The following TMPRSS15 variants were observed in gnomAD, a reference collection of about 807,000 sequenced individuals.
The protein encoded by TMPRSS15 is enteropeptidase.
Under a neutral mutation model 125.3 loss-of-function variants are expected in TMPRSS15, and 128 were observed. The observed-to-expected ratio is 1.02, with a 90% CI of 0.89 to 1.18. The LOEUF (loss-of-function observed/expected upper bound fraction) is 1.18, where lower values mean the gene tolerates loss of function less well. Ranked by LOEUF, TMPRSS15 falls within the 50% of genes most tolerant of loss-of-function variation. The probability of loss-of-function intolerance (pLI) is 0.00; values close to 1 mark genes in which losing one functional copy is unlikely to be tolerated. For missense variants in TMPRSS15, 1,283 were observed against 1,212.7 expected (o/e 1.06, Z -0.86); for synonymous variants, 446 against 423.2 (o/e 1.05, Z -0.66).
chr21:18,431,803 A>G (rs1206883608), intron 1 of TMPRSS15, among the ~76,000 whole-genome samples: 10 of 152,138 alleles, frequency 6.6e-5, no homozygotes, highest in African/African-American at 2.4e-5. Flanking sequence ...TGCCTACTAG[A>G]GCCTTTTAGC....
At chr21:18,450,418 A>T (rs949008160) in intron 1 of TMPRSS15, among the ~76,000 whole-genome samples, 3 of 152,140 alleles carry the variant, frequency 2.0e-5, no homozygotes, top group Non-Finnish European at 2.9e-5. Context: ...AAAACGTGGA[A>T]CCTCAATGCA....
At chr21:18,343,918 A>T in intron 11 of TMPRSS15, 37 bp downstream of exon 11, 1 of 1,573,930 alleles carries the variant, frequency 6.4e-7, no homozygotes, top group Non-Finnish European at 8.7e-7. Flanking sequence ...GTTACCCATT[A>T]AAAAAGACAG....
chr21:18,448,321 A>G (rs969721269), intron 1 of TMPRSS15, among the ~76,000 whole-genome samples: 1 of 152,166 alleles, frequency 6.6e-6, no homozygotes, highest in Non-Finnish European at 1.5e-5. Context: ...ACTAAAGAAG[A>G]GTCACTAAGA....
At chr21:18,334,815 G>A (rs1284948616) in intron 13 of TMPRSS15, among the ~76,000 whole-genome samples, 1 of 152,114 alleles carries the variant, frequency 6.6e-6, no homozygotes, top group Non-Finnish European at 1.5e-5. Flanking sequence ...CCACCATCTG[G>A]TTCACACTGC....
In TMPRSS15 at chr21:18,353,812, A is replaced by G; in HGVS notation, c.932T>C (p.Val311Ala). The G allele has an allele frequency of 6.2e-7, 1 of 1,611,852 alleles. No homozygotes were observed. The highest frequency in any genetic ancestry group is 8.5e-7 in the Non-Finnish European group (1 of 1,178,434). Residue 311 changes from valine to alanine, a missense_variant, in exon 9 of 25, where the codon GTT (valine) becomes GCT (alanine). By Grantham distance (64) the Val-to-Ala change is moderately conservative (BLOSUM62 0). Coordinates refer to ENST00000284885, the MANE Select transcript of TMPRSS15 (RefSeq NM_002772.3). ...AGATTCTATAAGAAAGGTGGCAGTA[A>G]CTTGGTTGGAAAAAATTCTTATTGT... Reference protein sequence around the residue: ...PGTIRIFSNQVTATFLIESDE... With the variant: ...PGTIRIFSNQATATFLIESDE...
Position 18,365,244 on chromosome 21 carries a change from T to C in TMPRSS15, c.669A>G (p.Thr223=). The change falls in exon 7 of 25, where the codon ACA becomes ACG. Residue 223 remains threonine, a synonymous_variant. Coordinates refer to ENST00000284885, the MANE Select transcript of TMPRSS15 (RefSeq NM_002772.3). Reference sequence around the variant, plus strand: ...TTAACAAAAATCTTCCATCACAAACTGTGGCTGCAAAACGATGCCAATTAA... The same window carrying C: ...TTAACAAAAATCTTCCATCACAAACCGTGGCTGCAAAACGATGCCAATTAA... The part of the protein sequence containing the change: ...GSDEDNKMCA[T]VCDGRFLLTG... 6.2e-7 allele frequency: 1 copy of C among 1,613,702 alleles called. No individual in the cohort carries two copies. The highest frequency in any genetic ancestry group is 8.5e-7 in the Non-Finnish European group (1 of 1,179,622).
In TMPRSS15 at chr21:18,329,153, C is replaced by G; in HGVS notation, c.1780+16G>C. The G allele has an allele frequency of 1.2e-6, 2 of 1,611,776 alleles. No homozygotes were observed. The highest frequency in any genetic ancestry group is 1.7e-6 in the Non-Finnish European group (2 of 1,178,408). On this transcript the variant is annotated intron_variant, in intron 15 of 24. Transcript: ENST00000284885. ...TGAGCTTTACAACCTTTACAATATT[C>G]AGATTGCAGACTTACCTAAGAGCAA...
At chr21:18,411,236 G>A (rs966208024) in intron 1 of TMPRSS15, among the ~76,000 whole-genome samples, 2 of 152,046 alleles carry the variant, frequency 1.3e-5, no homozygotes, top group African/African-American at 2.4e-5. Flanking sequence ...CCATTCAAAA[G>A]GATGGTGTGT....
chr21:18,275,075 A>G, intron 24 of TMPRSS15, 122 bp downstream of exon 24: 1 of 1,338,268 alleles, frequency 7.5e-7, no homozygotes, highest in Middle Eastern at 2.6e-4. Context: ...AAAAAGTAAC[A>G]GTTTTGTAAA....
intron 1 of TMPRSS15, among the ~76,000 whole-genome samples, chr21:18,468,533 CA>C (rs11357922): frequency 0.45 from 67,858 of 150,006 alleles, 16,365 homozygotes; most frequent in East Asian, 0.91. Context: ...GTTTTTCAAA[CA>C]AAAAAAAAAT....
At position 18,281,214 on chromosome 21, in the gene TMPRSS15, A is replaced by C. The variant is rs1231579914; in HGVS notation, c.2494T>G (p.Leu832Val). Residue 832 changes from leucine to valine, a missense_variant, in exon 22 of 25, where the codon TTA becomes GTA. Coordinates refer to ENST00000284885, the MANE Select transcript of TMPRSS15 (RefSeq NM_002772.3). ...ATTGCTGTCCACTTGGATGGCTCTAAGTTTCTCCTGAAAATTGTAATGAAG... is the reference window on the plus strand; with the variant it reads ...ATTGCTGTCCACTTGGATGGCTCTACGTTTCTCCTGAAAATTGTAATGAAG... ...SAAHCVYGRN[L>V]EPSKWTAILG... 6.2e-7 allele frequency: 1 copy of C among 1,613,952 alleles called. No homozygotes were observed. The highest frequency in any genetic ancestry group is 8.5e-7 in the Non-Finnish European group (1 of 1,179,974).
At chr21:18,479,869 C>T (rs1022333706) in intron 1 of TMPRSS15, among the ~76,000 whole-genome samples, 2 of 151,914 alleles carry the variant, frequency 1.3e-5, no homozygotes, top group African/African-American at 4.8e-5. Flanking sequence ...ACCATTTGAC[C>T]CAGCAATCAC....
intron 1 of TMPRSS15, among the ~76,000 whole-genome samples, chr21:18,414,331 C>T (rs1199127756): frequency 3.9e-5 from 6 of 152,014 alleles, no homozygotes; most frequent in Non-Finnish European, 7.4e-5. Flanking sequence ...TGTCCCTTTA[C>T]TTCTTGTGTG....
At chr21:18,307,445 G>C (rs191148412) in intron 18 of TMPRSS15, among the ~76,000 whole-genome samples, 4 of 152,260 alleles carry the variant, frequency 2.6e-5, no homozygotes, top group Admixed American at 2.6e-4. Context: ...ACAGAGCTGT[G>C]TGTCATCCAC....
At chr21:18,353,235 T>A (rs2075588999) in intron 9 of TMPRSS15, among the ~76,000 whole-genome samples, 183 bp from the exon 10 acceptor site, 1 of 151,880 alleles carries the variant, frequency 6.6e-6, no homozygotes, top group Admixed American at 6.6e-5. Flanking sequence ...AGCAGCTTTT[T>A]GTTGCCAACT....
At position 18,329,120 on chromosome 21, in the gene TMPRSS15, C is replaced by T. The variant is rs145335004; in HGVS notation, c.1780+49G>A. 162 of 1,606,362 alleles carry T rather than the reference C, an allele frequency of 1.0e-4. 1 individual carries two copies. In the East Asian group the frequency reaches 3.1e-3, roughly 31 times the overall value. The stretch of plus-strand genomic sequence containing the variant: ...TTAAGAAACGCTCTTTCCATCAGCA[C>T]AACATCTTGAGCTTTACAACCTTTA... On this transcript the variant is annotated intron_variant, in intron 15 of 24. Transcript: ENST00000284885.
At chr21:18,276,705 C>T (rs1403019613) in intron 23 of TMPRSS15, among the ~76,000 whole-genome samples, 3 of 151,554 alleles carry the variant, frequency 2.0e-5, no homozygotes, top group Non-Finnish European at 4.4e-5. Context: ...TCATGGTTTT[C>T]CTAGCTAATC....
intron 19 of TMPRSS15, 85 bp downstream of exon 19, chr21:18,297,649 T>C (rs1338085042): frequency 5.3e-6 from 5 of 941,716 alleles, no homozygotes; most frequent in South Asian, 1.3e-5. Flanking sequence ...CAGTATGTAA[T>C]AGCATTCAAA....
At chr21:18,342,350 C>T (rs1330884673) in intron 12 of TMPRSS15, among the ~76,000 whole-genome samples, 1 of 152,234 alleles carries the variant, frequency 6.6e-6, no homozygotes, top group Non-Finnish European at 1.5e-5. Context: ...ATTCCACCTA[C>T]TTCATGCCAG....
Sources: gnomAD v4.1 joint callset for allele counts (sites outside exome capture counted in the v4.1 genomes callset) on GRCh38, gnomAD v4.1.1 for gene constraint, MANE v1.5 for transcripts, NCBI Gene and HGNC (gene_info 2026-07-23, HGNC 2026-07-21) for gene names.